Variants in VRK2 observed in about 807,000 individuals in gnomAD.
VRK2 encodes VRK serine/threonine kinase 2.
A neutral mutation model predicts 57.6 loss-of-function variants in VRK2; 60 were observed. The observed-to-expected ratio is 1.04, with a 90% CI of 0.85 to 1.29. The LOEUF is 1.29. VRK2 is among the 50% of genes most tolerant of loss of function. VRK2 has a pLI of 0.00. For missense variants in VRK2, 705 were observed against 588.1 expected, an observed-to-expected ratio of 1.20 and a Z score of -2.06; for synonymous variants, 231 against 199.2, an observed-to-expected ratio of 1.16 and a Z score of -1.35.
At chr2:58,042,662 A>AC (rs1401366632), upstream of VRK2, among the ~76,000 whole-genome samples, 1 of 152,190 alleles carries the variant, frequency 6.6e-6, no homozygotes, top group African/African-American at 2.4e-5. Flanking sequence ...ATTTTATAGC[A>AC]CCCAGTTCTT....
At chr2:58,159,312 TCTAACAAA>T (rs757304737) in intron 12 of VRK2, 29 bp from the exon 13 acceptor site, 65 of 1,485,298 alleles carry the variant, frequency 4.4e-5, no homozygotes, top group Non-Finnish European at 5.3e-5. Context: ...ATAACTCACG[TCTAACAAA>T]CTAAACTATA....
chr2:58,023,599 C>CAAATTAAAATAAAATGTCTG lies in VRK2; in HGVS notation c.-438-2065_-438-2046dup, dbSNP rs564046745. Among the ~76,000 whole-genome samples, 994 of 152,124 alleles carry CAAATTAAAATAAAATGTCTG rather than the reference C, an allele frequency of 6.5e-3. 9 individuals carry two copies. Among genetic ancestry groups the CAAATTAAAATAAAATGTCTG allele is most frequent in the African/African-American group, 0.022 (933 of 41,500 alleles). ...CTACCCTCTGCCTAAAAATTGCTAACAAATTAAAATAAAATGTCTGCAATT... is the reference window on the plus strand; with the variant it reads ...CTACCCTCTGCCTAAAAATTGCTAACAAATTAAAATAAAATGTCTGAAATTAAAATAAAATGTCTGCAATT... On this transcript the variant is annotated intron_variant, in intron 1 of 15. Transcript: ENST00000417641.
chr2:58,076,946 G>A (rs891409211), intron 2 of VRK2, among the ~76,000 whole-genome samples: 5 of 151,690 alleles, frequency 3.3e-5, no homozygotes, highest in African/African-American at 9.7e-5. Context: ...TTATAAAATA[G>A]CACATAGTAC....
chr2:57,914,249 C>CTT (rs11306282), intron 1 of VRK2, among the ~76,000 whole-genome samples: 1 of 142,436 alleles, frequency 7.0e-6, no homozygotes. Context: ...CTTAACCTTA[C>CTT]TTTTTTTTTT....
intron 1 of VRK2, among the ~76,000 whole-genome samples, chr2:57,966,097 C>T (rs1235757579): frequency 6.6e-6 from 1 of 152,146 alleles, no homozygotes; most frequent in Non-Finnish European, 1.5e-5. Flanking sequence ...CCATAGATGC[C>T]AGAAGTAGGC....
At position 58,084,747 on chromosome 2, in the gene VRK2, C is replaced by T. The variant is rs1286600959; in HGVS notation, c.187-134C>T. ...TGAGATTTTTAGTGGAAATCTGGTG[C>T]CTATGTTTTATAAAAAGTGATTCAA... On this transcript the variant is annotated intron_variant, in intron 3 of 12. Transcript: ENST00000340157. 9.3e-6 allele frequency: 5 copies of T among 538,444 alleles called. No individual in the cohort carries two copies. In the East Asian group the frequency reaches 1.8e-4, roughly 19 times the overall value. The allele number at this position is 538,444 out of a possible 1,614,324, so 33.4% of individuals were successfully genotyped here. A position where few individuals can be genotyped will look rare whatever the true frequency, so the allele number is the denominator to read the frequency against.
rs72949142 is a variant in VRK2 at position 58,029,428 on chromosome 2, T to G, written c.-333+3658T>G. Among the ~76,000 whole-genome samples, 244 of 152,256 alleles carry G rather than the reference T, an allele frequency of 1.6e-3. 2 individuals carry two copies. The highest frequency in any genetic ancestry group is 5.6e-3 in the African/African-American group (231 of 41,562). On this transcript the variant is annotated intron_variant, in intron 2 of 15. Coordinates refer to the VRK2 transcript ENST00000417641. ...TAACACTGCTTAGATGGTACCATCT[T>G]GCTTTGTGTCAACTCAGGTAGAAAC...
chr2:58,011,506 T>G (rs1328316782), intron 1 of VRK2, among the ~76,000 whole-genome samples: 1 of 152,210 alleles, frequency 6.6e-6, no homozygotes, highest in Non-Finnish European at 1.5e-5. Context: ...TTTAGTATCA[T>G]TCCTCTAATG....
At chr2:58,072,460 C>T (rs1384315290) in intron 2 of VRK2, among the ~76,000 whole-genome samples, 2 of 151,828 alleles carry the variant, frequency 1.3e-5, no homozygotes, top group Non-Finnish European at 2.9e-5. Flanking sequence ...TCTAGTATTA[C>T]TGTGAATTTT....
intron 1 of VRK2, among the ~76,000 whole-genome samples, chr2:57,924,205 A>T (rs1670458571): frequency 6.6e-6 from 1 of 151,798 alleles, no homozygotes. Context: ...TGGCTATTCT[A>T]GGTCTTTTGT....
At chr2:57,965,220 T>A in intron 1 of VRK2, among the ~76,000 whole-genome samples, 1 of 152,192 alleles carries the variant, frequency 6.6e-6, no homozygotes, top group East Asian at 1.9e-4. Context: ...AAAGTCATCT[T>A]AAAAAGCCGG....
chr2:58,108,343 A>G (rs1457884778), intron 7 of VRK2, among the ~76,000 whole-genome samples: 1 of 151,918 alleles, frequency 6.6e-6, no homozygotes, highest in Non-Finnish European at 1.5e-5. Flanking sequence ...ATATTCTCCT[A>G]AATGGACTCT....
chr2:57,931,244 C>T (rs1216151442), intron 1 of VRK2, among the ~76,000 whole-genome samples: 14 of 152,006 alleles, frequency 9.2e-5, no homozygotes, highest in Admixed American at 7.2e-4. Context: ...TACCAATTTA[C>T]ATTCCCACCA....
At chr2:57,917,577 C>T (rs1205054435) in intron 1 of VRK2, among the ~76,000 whole-genome samples, 1 of 149,660 alleles carries the variant, frequency 6.7e-6, no homozygotes, top group Non-Finnish European at 1.5e-5. Context: ...CTGCTTTCAA[C>T]CAATTTATGA....
chr2:57,941,032 A>T (rs1204181966), intron 1 of VRK2, among the ~76,000 whole-genome samples: 1 of 152,192 alleles, frequency 6.6e-6, no homozygotes, highest in African/African-American at 2.4e-5. Context: ...GATTCTGATT[A>T]TCTGTAATAA....
intron 1 of VRK2, among the ~76,000 whole-genome samples, chr2:57,919,138 C>G (rs531937596): frequency 1.1e-4 from 16 of 151,886 alleles, no homozygotes; most frequent in Non-Finnish European, 1.9e-4. Flanking sequence ...TGCATGGAAT[C>G]ATTGGATAAT....
intron 2 of VRK2, chr2:58,026,821 C>G (rs977546615): frequency 6.6e-6 from 1 of 152,064 alleles, no homozygotes; most frequent in Non-Finnish European, 1.5e-5. Flanking sequence ...TTGGCTCAAG[C>G]AATCCTTTCA....
intron 1 of VRK2, among the ~76,000 whole-genome samples, chr2:57,913,399 A>G (rs566557677): frequency 3.9e-4 from 59 of 152,320 alleles, no homozygotes; most frequent in Admixed American, 7.9e-4. Flanking sequence ...AGTTTTCCAA[A>G]TATTTCCTCA....
intron 1 of VRK2, among the ~76,000 whole-genome samples, chr2:58,009,272 T>C (rs1366144239): frequency 6.6e-6 from 1 of 152,014 alleles, no homozygotes; most frequent in Non-Finnish European, 1.5e-5. Context: ...GGACATATGA[T>C]ATATCTTGCA....
Sources: gnomAD v4.1 joint callset for allele counts (sites outside exome capture counted in the v4.1 genomes callset) on GRCh38, gnomAD v4.1.1 for gene constraint, MANE v1.5 for transcripts, NCBI Gene and HGNC (gene_info 2026-07-23, HGNC 2026-07-21) for gene names.